Variants in ZFYVE9 observed in about 807,000 individuals in gnomAD.
ZFYVE9 encodes the protein zinc finger FYVE-type containing 9.
In ZFYVE9, 43 loss-of-function variants were observed where a neutral mutation model predicts 126.7. The observed-to-expected ratio is 0.34, with a 90% CI of 0.27 to 0.44. The LOEUF (loss-of-function observed/expected upper bound fraction) is 0.44. ZFYVE9 is among the 20% of genes least tolerant of loss of function. The probability of loss-of-function intolerance (pLI) is 1.00; values close to 1 mark genes in which losing one functional copy is unlikely to be tolerated. For missense variants in ZFYVE9, 1,476 were observed against 1,697.0 expected, an observed-to-expected ratio of 0.87 and a Z score of 2.29; for synonymous variants, 521 against 597.4, an observed-to-expected ratio of 0.87 and a Z score of 1.87.
At chr1:52,153,080 C>A (rs1644371973) in intron 1 of ZFYVE9, among the ~76,000 whole-genome samples, 1 of 152,192 alleles carries the variant, frequency 6.6e-6, no homozygotes, top group African/African-American at 2.4e-5. Flanking sequence ...TAGTCACTGG[C>A]TAGAGCTGCC....
chr1:52,334,586 GTGA>G (rs1646372410), intron 14 of ZFYVE9, 99 bp from the exon 15 acceptor site: 1 of 1,217,592 alleles, frequency 8.2e-7, no homozygotes. Flanking sequence ...AATTTTCTGT[GTGA>G]TGATGGTCGG....
At chr1:52,297,242 CTTTTTTTT>C (rs767708782) in intron 12 of ZFYVE9, among the ~76,000 whole-genome samples, 2 of 134,106 alleles carry the variant, frequency 1.5e-5, no homozygotes, top group African/African-American at 2.8e-5. Flanking sequence ...AAAAACATTT[CTTTTTTTT>C]TTTTTTTTTG....
At chr1:52,319,997 G>T (rs1646223393) in intron 13 of ZFYVE9, among the ~76,000 whole-genome samples, 1 of 137,874 alleles carries the variant, frequency 7.3e-6, no homozygotes, top group East Asian at 2.2e-4. Context: ...TGGTGACAGA[G>T]AGGGGGAGAT....
At chr1:52,197,111 T>A (rs926732202) in intron 1 of ZFYVE9, among the ~76,000 whole-genome samples, 2 of 152,082 alleles carry the variant, frequency 1.3e-5, no homozygotes, top group African/African-American at 4.8e-5. Flanking sequence ...AGAATATTAT[T>A]GAAGATAGTA....
chr1:52,171,518 A>G (rs1411587599), intron 1 of ZFYVE9, among the ~76,000 whole-genome samples: 1 of 152,198 alleles, frequency 6.6e-6, no homozygotes, highest in African/African-American at 2.4e-5. Context: ...TATACCCAGT[A>G]ATGGGATTGC....
intron 1 of ZFYVE9, among the ~76,000 whole-genome samples, chr1:52,152,761 G>A (rs1189594604): frequency 1.3e-5 from 2 of 152,136 alleles, no homozygotes; most frequent in African/African-American, 4.8e-5. Flanking sequence ...TGTAAAATGG[G>A]ACTAACAATA....
intron 1 of ZFYVE9, among the ~76,000 whole-genome samples, chr1:52,205,333 C>A (rs1051624005): frequency 1.3e-5 from 2 of 151,816 alleles, no homozygotes; most frequent in Admixed American, 1.3e-4. Flanking sequence ...CCTCAGCTTC[C>A]CAGGGTGTTG....
At chr1:52,206,367 C>T (rs1644978077) in intron 1 of ZFYVE9, among the ~76,000 whole-genome samples, 1 of 152,144 alleles carries the variant, frequency 6.6e-6, no homozygotes, top group African/African-American at 2.4e-5. Context: ...TTCTATAATT[C>T]TGTTGGCAAA....
At chr1:52,301,808 G>C (rs1569712277) in intron 12 of ZFYVE9, among the ~76,000 whole-genome samples, 1 of 152,016 alleles carries the variant, frequency 6.6e-6, no homozygotes, top group Non-Finnish European at 1.5e-5. Flanking sequence ...TATATATCAG[G>C]CTGCTTGAAA....
intron 1 of ZFYVE9, among the ~76,000 whole-genome samples, chr1:52,175,148 G>A (rs906140934): frequency 6.6e-6 from 1 of 152,006 alleles, no homozygotes; most frequent in African/African-American, 2.4e-5. Flanking sequence ...GGTACTGGTT[G>A]TTCCTTTCCA....
intron 1 of ZFYVE9, among the ~76,000 whole-genome samples, chr1:52,164,253 G>T (rs1393411071): frequency 6.6e-6 from 1 of 151,706 alleles, no homozygotes; most frequent in Non-Finnish European, 1.5e-5. Context: ...TCATTCTGTA[G>T]CCCAGGCTGG....
intron 1 of ZFYVE9, among the ~76,000 whole-genome samples, chr1:52,211,494 G>A (rs1645028184): frequency 6.6e-6 from 1 of 152,164 alleles, no homozygotes; most frequent in South Asian, 2.1e-4. Flanking sequence ...TGTACCTGTT[G>A]AGTTTGAACA....
chr1:52,309,826 G>T (rs928730610), intron 13 of ZFYVE9, among the ~76,000 whole-genome samples: 5 of 152,148 alleles, frequency 3.3e-5, no homozygotes, highest in African/African-American at 1.2e-4. Flanking sequence ...AGGGACTAAG[G>T]AAAGACTTTA....
chr1:52,263,960 T>C, intron 5 of ZFYVE9, 88 bp downstream of exon 5: 1 of 728,874 alleles, frequency 1.4e-6, no homozygotes. Flanking sequence ...TGCCTTTCTT[T>C]ACAAGTTGCT....
chr1:52,225,609 CA>C (rs2124610692), intron 2 of ZFYVE9, among the ~76,000 whole-genome samples: 1 of 152,220 alleles, frequency 6.6e-6, no homozygotes, highest in South Asian at 2.1e-4. Flanking sequence ...TAAACTTTTC[CA>C]AATAGGGTAA....
chr1:52,274,381 A>C (rs1313073321), intron 7 of ZFYVE9, 83 bp from the exon 8 acceptor site: 1 of 1,435,528 alleles, frequency 7.0e-7, no homozygotes, highest in Non-Finnish European at 9.3e-7. Context: ...TTTTCACTTA[A>C]GTTCCCATTT....
intron 1 of ZFYVE9, among the ~76,000 whole-genome samples, chr1:52,159,752 A>G (rs1644438192): frequency 6.6e-6 from 1 of 152,192 alleles, no homozygotes; most frequent in South Asian, 2.1e-4. Context: ...TGCAACATGT[A>G]ATAAGCAAAT....
intron 4 of ZFYVE9, among the ~76,000 whole-genome samples, chr1:52,242,031 CTTTTT>C (rs975430437): frequency 9.4e-6 from 1 of 106,436 alleles, no homozygotes. Context: ...TCATGGCAAT[CTTTTT>C]TTTTTTTTTT....
At chr1:52,288,925 C>CAAAAA (rs775138803) in intron 10 of ZFYVE9, among the ~76,000 whole-genome samples, 15 of 61,974 alleles carry the variant, frequency 2.4e-4, no homozygotes, top group Non-Finnish European at 3.8e-4. Flanking sequence ...GACTCTGTCT[C>CAAAAA]AAAAAAAAAA....
Sources: allele counts gnomAD v4.1 joint callset (sites outside exome capture counted in the v4.1 genomes callset), GRCh38; gene constraint gnomAD v4.1.1; transcripts MANE v1.5; gene names NCBI Gene and HGNC (gene_info 2026-07-23, HGNC 2026-07-21).